Variants in KLHL20 observed in about 807,000 individuals in gnomAD.
KLHL20 encodes kelch-like protein 20.
A neutral mutation model predicts 69.5 loss-of-function variants in KLHL20; 29 were observed. The observed-to-expected ratio is 0.42, with a 90% CI of 0.31 to 0.57. The LOEUF is 0.57. Ranked by LOEUF, KLHL20 falls within the 20% of genes least tolerant of loss-of-function variation. The probability of loss-of-function intolerance (pLI) is 0.18; values close to 1 mark genes in which losing one functional copy is unlikely to be tolerated. For missense variants in KLHL20, 419 were observed against 776.0 expected, an observed-to-expected ratio of 0.54 and a Z score of 5.47; for synonymous variants, 253 against 265.2, an observed-to-expected ratio of 0.95 and a Z score of 0.45.
At chr1:173,757,860 C>T (rs1189196034) in intron 7 of KLHL20, among the ~76,000 whole-genome samples, 1 of 152,020 alleles carries the variant, frequency 6.6e-6, no homozygotes, top group African/African-American at 2.4e-5. Flanking sequence ...TGTGTTTCAC[C>T]ATAATATCTA....
chr1:173,743,234 G>A (rs1371890223), intron 3 of KLHL20, among the ~76,000 whole-genome samples: 5 of 151,402 alleles, frequency 3.3e-5, no homozygotes, highest in African/African-American at 1.2e-4. Flanking sequence ...GCCTTATATT[G>A]GAAAAATACT....
chr1:173,776,605 C>G (rs1479806949), intron 10 of KLHL20, among the ~76,000 whole-genome samples: 1 of 151,902 alleles, frequency 6.6e-6, no homozygotes, highest in Non-Finnish European at 1.5e-5. Flanking sequence ...TTGTATATGG[C>G]AAAAAATGGG....
At chr1:173,739,415 T>A (rs963539872) in intron 3 of KLHL20, among the ~76,000 whole-genome samples, 12 of 151,802 alleles carry the variant, frequency 7.9e-5, no homozygotes, top group African/African-American at 2.7e-4. Context: ...TGTGAATCCA[T>A]CTGGTCCTGG....
At chr1:173,782,263 C>A in intron 11 of KLHL20, 33 bp downstream of exon 11, 2 of 1,477,406 alleles carry the variant, frequency 1.4e-6, no homozygotes, top group Non-Finnish European at 1.9e-6. Flanking sequence ...AATCACCTCA[C>A]TACTGATTTG....
chr1:173,773,795 C>T (rs1004155962), intron 8 of KLHL20, among the ~76,000 whole-genome samples: 5 of 151,844 alleles, frequency 3.3e-5, no homozygotes, highest in African/African-American at 1.2e-4. Flanking sequence ...TGGCAGATCA[C>T]GAGGTCAGGA....
chr1:173,748,747 A>C (rs757586730), intron 3 of KLHL20, among the ~76,000 whole-genome samples: 8 of 150,778 alleles, frequency 5.3e-5, no homozygotes, highest in Non-Finnish European at 1.0e-4. Flanking sequence ...TTAAAGTATA[A>C]TTTAAAAAAT....
chr1:173,734,080 A>G lies in KLHL20; in HGVS notation c.391A>G (p.Ile131Val). The G allele has an allele frequency of 1.2e-6, 2 of 1,614,218 alleles. No homozygotes were observed. The highest frequency in any genetic ancestry group is 2.2e-5 in the South Asian group (2 of 91,086). Residue 131 changes from isoleucine (I) to valine (V), a missense_variant, in exon 3 of 12, where the codon ATA (isoleucine) becomes GTA (valine). Ile to Val is a conservative substitution (Grantham distance 29). Coordinates refer to ENST00000209884, the MANE Select transcript of KLHL20 (RefSeq NM_014458.4). ...GATTGACTTTGCGTATACCTCCCAG[A>G]TAACAGTAGAAGAGGGCAATGTTCA... Reference protein sequence around the residue: ...LLIDFAYTSQITVEEGNVQTL... With the variant: ...LLIDFAYTSQVTVEEGNVQTL...
intron 2 of KLHL20, among the ~76,000 whole-genome samples, chr1:173,732,283 C>T (rs982156506): frequency 5.9e-5 from 9 of 151,574 alleles, no homozygotes; most frequent in East Asian, 1.9e-4. Context: ...TCAAGACCAG[C>T]GTGGGCAACT....
intron 2 of KLHL20, among the ~76,000 whole-genome samples, chr1:173,728,801 C>G (rs1458343587): frequency 6.6e-6 from 1 of 151,618 alleles, no homozygotes; most frequent in East Asian, 1.9e-4. Context: ...GAAAGACTAA[C>G]ATCACAATTA....
intron 3 of KLHL20, among the ~76,000 whole-genome samples, chr1:173,744,464 T>G (rs1477477674): frequency 6.6e-6 from 1 of 152,156 alleles, no homozygotes; most frequent in African/African-American, 2.4e-5. Context: ...TATTGTATTT[T>G]TGATAATACA....
At chr1:173,771,806 G>T (rs1648111365) in intron 8 of KLHL20, among the ~76,000 whole-genome samples, 1 of 152,064 alleles carries the variant, frequency 6.6e-6, no homozygotes, top group Non-Finnish European at 1.5e-5. Context: ...GCATGCTCTA[G>T]CTATGTACTC....
intron 4 of KLHL20, among the ~76,000 whole-genome samples, chr1:173,752,734 C>A (rs188992948): frequency 6.6e-6 from 1 of 152,196 alleles, no homozygotes; most frequent in Non-Finnish European, 1.5e-5. Context: ...TAATGTCTTG[C>A]TGAACGTTTT....
intron 8 of KLHL20, among the ~76,000 whole-genome samples, chr1:173,768,513 T>C (rs969085763): frequency 6.6e-6 from 1 of 152,224 alleles, no homozygotes; most frequent in Non-Finnish European, 1.5e-5. Flanking sequence ...CCCTTTTATC[T>C]CTCTGTCAAG....
At chr1:173,763,445 A>G (rs1647450324) in intron 7 of KLHL20, among the ~76,000 whole-genome samples, 1 of 152,180 alleles carries the variant, frequency 6.6e-6, no homozygotes, top group Admixed American at 6.5e-5. Context: ...ACTAAGCAAA[A>G]AGAACAAATC....
intron 10 of KLHL20, among the ~76,000 whole-genome samples, chr1:173,781,214 G>A (rs1288462211): frequency 6.6e-6 from 1 of 152,126 alleles, no homozygotes; most frequent in East Asian, 1.9e-4. Flanking sequence ...AAGAGGTGAG[G>A]CTTAAATAGT....
chr1:173,776,202 C>T (rs1485213721), intron 10 of KLHL20, among the ~76,000 whole-genome samples: 4 of 152,182 alleles, frequency 2.6e-5, no homozygotes, highest in Non-Finnish European at 5.9e-5. Flanking sequence ...AGCACCTTTT[C>T]ATATACCTGT....
intron 6 of KLHL20, 29 bp downstream of exon 6, chr1:173,756,067 T>C (rs377664439): frequency 6.1e-6 from 9 of 1,476,262 alleles, no homozygotes; most frequent in Admixed American, 5.3e-5. Context: ...TGTTAGTAAA[T>C]TGAGTATTTT....
chr1:173,777,198 T>G (rs1388004780), intron 10 of KLHL20, among the ~76,000 whole-genome samples: 1 of 152,256 alleles, frequency 6.6e-6, no homozygotes, highest in African/African-American at 2.4e-5. Context: ...CTTTCTTGAT[T>G]TCTTTTTCAG....
chr1:173,777,238 A>G (rs1271295385), intron 10 of KLHL20, among the ~76,000 whole-genome samples: 1 of 152,198 alleles, frequency 6.6e-6, no homozygotes, highest in Non-Finnish European at 1.5e-5. Flanking sequence ...TAGAAATGCT[A>G]CTGATTTTTA....
Sources: gnomAD v4.1 joint callset for allele counts (sites outside exome capture counted in the v4.1 genomes callset) on GRCh38, gnomAD v4.1.1 for gene constraint, MANE v1.5 for transcripts, NCBI Gene and HGNC (gene_info 2026-07-23, HGNC 2026-07-21) for gene names.